Variants in PRMT7 observed in about 807,000 individuals in gnomAD.
PRMT7 encodes the protein protein arginine methyltransferase 7.
A neutral mutation model predicts 85.4 loss-of-function variants in PRMT7; 75 were observed. The observed-to-expected ratio is 0.88, with a 90% confidence interval of 0.73 to 1.06. The LOEUF (loss-of-function observed/expected upper bound fraction) is 1.06, where lower values mean the gene tolerates loss of function less well. PRMT7 is among the 50% of genes least tolerant of loss of function. The pLI, the probability that PRMT7 is intolerant of heterozygous loss-of-function variation, is 0.00. For synonymous variants in PRMT7, 397 were observed against 359.5 expected, an observed-to-expected ratio of 1.10 and a Z score of -1.18; for missense variants, 868 against 915.2, an observed-to-expected ratio of 0.95 and a Z score of 0.67.
intron 4 of PRMT7, among the ~76,000 whole-genome samples, chr16:68,322,984 A>G (rs1002718397): frequency 1.3e-5 from 2 of 151,976 alleles, no homozygotes; most frequent in African/African-American, 4.8e-5. Flanking sequence ...CAGTGAGCCG[A>G]GATTGCACCA....
At chr16:68,311,558 G>A (rs1319688728) in intron 1 of PRMT7, 1 of 152,634 alleles carries the variant, frequency 6.6e-6, no homozygotes. Flanking sequence ...GGCTCCCAGT[G>A]CTTTTAGAAC....
intron 3 of PRMT7, among the ~76,000 whole-genome samples, chr16:68,319,828 T>A (rs958311089): frequency 6.6e-6 from 1 of 151,994 alleles, no homozygotes; most frequent in Non-Finnish European, 1.5e-5. Flanking sequence ...GTGAGCTCCT[T>A]AGCTGTCCCC....
intron 7 of PRMT7, among the ~76,000 whole-genome samples, chr16:68,338,463 C>T (rs1039821359): frequency 2.0e-5 from 3 of 151,736 alleles, no homozygotes; most frequent in Non-Finnish European, 4.4e-5. Flanking sequence ...CAAAGAGGCC[C>T]AGAGATGCAT....
intron 14 of PRMT7, 184 bp from the exon 15 acceptor site, chr16:68,352,064 A>G: frequency 1.7e-6 from 1 of 602,804 alleles, no homozygotes; most frequent in Non-Finnish European, 2.9e-6. Flanking sequence ...TTGTTTGTTG[A>G]CTGAGGGAGG....
At chr16:68,349,069 TC>T (rs1287806278) in intron 14 of PRMT7, among the ~76,000 whole-genome samples, 1 of 152,130 alleles carries the variant, frequency 6.6e-6, no homozygotes, top group African/African-American at 2.4e-5. Flanking sequence ...GTCCACGGCT[TC>T]CTGCTGCAGT....
intron 7 of PRMT7, 151 bp from the exon 8 acceptor site, chr16:68,339,171 G>T: frequency 1.0e-6 from 1 of 998,390 alleles, no homozygotes; most frequent in South Asian, 1.7e-5. Flanking sequence ...AGGGCATAGG[G>T]CTGAAAACAG....
chr16:68,317,850 AAAAC>A (rs1347404529), intron 3 of PRMT7, among the ~76,000 whole-genome samples: 29 of 57,782 alleles, frequency 5.0e-4, no homozygotes, highest in African/African-American at 1.5e-3. Flanking sequence ...AAAAAGAAAA[AAAAC>A]CACACACACA....
intron 14 of PRMT7, among the ~76,000 whole-genome samples, chr16:68,348,733 T>G (rs1031282600): frequency 6.8e-6 from 1 of 148,038 alleles, no homozygotes; most frequent in African/African-American, 2.5e-5. Context: ...GCCTCGACCT[T>G]CCAGCCTCAA....
intron 14 of PRMT7, among the ~76,000 whole-genome samples, chr16:68,350,991 A>G (rs1013420161): frequency 2.0e-5 from 3 of 152,122 alleles, no homozygotes; most frequent in Non-Finnish European, 2.9e-5. Context: ...GGTGGCTCCT[A>G]CTTTTGGGCT....
In PRMT7 at chr16:68,312,641, T is replaced by C. The variant is rs115780292; in HGVS notation, c.-84+465T>C. Reference sequence around the variant, plus strand: ...TCTATTTCCTCCTTGTAAATGGCCATGCAAGTTTACAACTCTTGGAGAATG... The same window carrying C: ...TCTATTTCCTCCTTGTAAATGGCCACGCAAGTTTACAACTCTTGGAGAATG... On this transcript the variant is annotated intron_variant, in intron 2 of 18. Coordinates refer to ENST00000441236, the MANE Select transcript of PRMT7 (RefSeq NM_019023.5). Among the ~76,000 whole-genome samples, 685 of 152,258 alleles carry C rather than the reference T, an allele frequency of 4.5e-3. 7 individuals are homozygous for C. The highest frequency in any genetic ancestry group is 0.016 in the African/African-American group (653 of 41,534).
At chr16:68,336,784 A>C (rs966738466) in intron 6 of PRMT7, among the ~76,000 whole-genome samples, 2 of 151,790 alleles carry the variant, frequency 1.3e-5, no homozygotes, top group African/African-American at 4.8e-5. Flanking sequence ...AGGCTGGATC[A>C]CTCTGTCGCG....
chr16:68,324,620 T>C, intron 4 of PRMT7, 63 bp from the exon 5 acceptor site: 2 of 1,593,662 alleles, frequency 1.3e-6, no homozygotes, highest in Middle Eastern at 1.7e-4. Context: ...TCTAGAACTT[T>C]GCAAAGCACC....
intron 6 of PRMT7, among the ~76,000 whole-genome samples, chr16:68,330,893 CCTAT>C (rs2083783848): frequency 1.3e-5 from 2 of 152,116 alleles, no homozygotes; most frequent in African/African-American, 4.8e-5. Context: ...CCGCGCCCGG[CCTAT>C]CTTTTTTATT....
chr16:68,345,855 A>T (rs1044396434), intron 10 of PRMT7, 53 bp downstream of exon 10: 1 of 1,608,406 alleles, frequency 6.2e-7, no homozygotes, highest in African/African-American at 1.3e-5. Flanking sequence ...TTGTATGTAA[A>T]TTCCCCATTT....
intron 16 of PRMT7, 60 bp downstream of exon 16, chr16:68,353,626 A>C: frequency 1.2e-5 from 18 of 1,456,746 alleles, no homozygotes; most frequent in East Asian, 2.6e-5. Context: ...CAGGCCTCTC[A>C]CAGGGTCCCA....
At chr16:68,337,948 C>T (rs1022542762) in intron 7 of PRMT7, among the ~76,000 whole-genome samples, 2 of 152,062 alleles carry the variant, frequency 1.3e-5, no homozygotes, top group African/African-American at 2.4e-5. Context: ...GCGGTGGCTC[C>T]GGAGCCTGCT....
chr16:68,341,703 C>T (rs8052988), intron 9 of PRMT7, among the ~76,000 whole-genome samples: 93,024 of 152,048 alleles, frequency 0.61, 28,655 homozygotes, highest in East Asian at 0.79. Context: ...CCGCTATGCC[C>T]GGCTCAGGCT....
In PRMT7 at chr16:68,315,927, C is replaced by A; in HGVS notation, c.-53C>A. The A allele has an allele frequency of 6.7e-7, 1 of 1,481,484 alleles. No homozygotes were observed. The highest frequency in any genetic ancestry group is 9.4e-7 in the Non-Finnish European group (1 of 1,062,404). 91.8% of individuals were successfully genotyped at this position (1,481,484 alleles called of 1,614,324 possible). On this transcript the variant is annotated 5_prime_UTR_variant, in exon 3 of 19. Transcript: ENST00000441236. ...TGACAGTCAGACTTGTCCACAAGAA[C>A]TCAACTGGCAAGGCTGCTTTTCTGT...
At position 68,357,490 on chromosome 16, in the gene PRMT7, A is replaced by G; in HGVS notation, c.*266A>G. On this transcript the variant is annotated 3_prime_UTR_variant, in exon 19 of 19. Transcript: ENST00000441236. Reference sequence around the variant, plus strand: ...CTGCTTGTGCTTCTGAGGTGCTGAGAATGCTCCAACACAGAGACATCTCTC... The same window carrying G: ...CTGCTTGTGCTTCTGAGGTGCTGAGGATGCTCCAACACAGAGACATCTCTC... 1 of 445,700 alleles carries G rather than the reference A, an allele frequency of 2.2e-6. No homozygotes were observed. The highest frequency in any genetic ancestry group is 4.0e-6 in the Non-Finnish European group (1 of 250,934). 27.6% of individuals were successfully genotyped at this position (445,700 alleles called of 1,614,324 possible).
Sources: gnomAD v4.1 joint callset for allele counts (sites outside exome capture counted in the v4.1 genomes callset) on GRCh38, gnomAD v4.1.1 for gene constraint, MANE v1.5 for transcripts, NCBI Gene and HGNC (gene_info 2026-07-23, HGNC 2026-07-21) for gene names.